Variants in PARD3B observed in about 807,000 individuals in gnomAD.
PARD3B encodes par-3 family cell polarity regulator beta.
In PARD3B, 103 loss-of-function variants were observed where a neutral mutation model predicts 130.2. The observed-to-expected ratio is 0.79, with a 90% CI of 0.67 to 0.93. The LOEUF is 0.93. PARD3B is among the 40% of genes least tolerant of loss of function. PARD3B has a pLI of 0.00. For synonymous variants in PARD3B, 583 were observed against 553.2 expected (o/e 1.05, Z -0.76); for missense variants, 1,609 against 1,499.2 (o/e 1.07, Z -1.21).
chr2:205,158,920 G>T lies in PARD3B; in HGVS notation c.1620+13G>T, dbSNP rs760951208. The T allele has an allele frequency of 1.9e-6, 3 of 1,612,472 alleles. No individual in the cohort carries two copies. The highest frequency in any genetic ancestry group is 2.5e-6 in the Non-Finnish European group (3 of 1,179,476). On this transcript the variant is annotated intron_variant, in intron 11 of 22. Coordinates refer to ENST00000406610, the MANE Select transcript of PARD3B (RefSeq NM_001302769.2). This position sits in a 1 kb window ranked among gnomAD's most constrained non-coding sequence, Gnocchi z 5.4. The stretch of plus-strand genomic sequence containing the variant: ...CGCTGCTTTTAAGGTGGGTAGGAAT[G>T]ACATTTGTACATCCTTTGAGAAGGC...
chr2:204,764,924 G>A (rs1490985331), intron 2 of PARD3B, among the ~76,000 whole-genome samples: 3 of 151,944 alleles, frequency 2.0e-5, no homozygotes, highest in African/African-American at 7.3e-5. Context: ...ATAAATCTAG[G>A]AAGGACTGAT....
rs2040626944 is a variant in PARD3B at position 205,269,256 on chromosome 2, T to C, written c.2185+23434T>C. The stretch of plus-strand genomic sequence containing the variant: ...ATGTTAAGTTCTCAATGATTAAAGG[T>C]GCCTTGAGTATTTTATTCAAAACTT... On this transcript the variant is annotated intron_variant, in intron 16 of 22. Transcript: ENST00000406610. The surrounding 1 kb of genome is among the most constrained non-coding windows in gnomAD (Gnocchi z 4.7). 6.6e-6 allele frequency among the ~76,000 whole-genome samples: 1 copy of C among 152,166 alleles called. No individual in the cohort carries two copies. Among genetic ancestry groups the C allele is most frequent in the African/African-American group, 2.4e-5 (1 of 41,468 alleles).
At chr2:205,114,481 G>A (rs200411620) in intron 6 of PARD3B, among the ~76,000 whole-genome samples, 2 of 93,746 alleles carry the variant, frequency 2.1e-5, no homozygotes, top group African/African-American at 3.3e-5. Flanking sequence ...GAAAAGGGGG[G>A]ATTCCTTAGT....
intron 18 of PARD3B, among the ~76,000 whole-genome samples, chr2:205,384,183 T>G (rs181610948): frequency 6.6e-6 from 1 of 152,222 alleles, no homozygotes; most frequent in East Asian, 1.9e-4. Flanking sequence ...AATTGAAATC[T>G]TCACATAATC....
At chr2:205,605,875 C>T (rs1022475851) in intron 22 of PARD3B, among the ~76,000 whole-genome samples, 1 of 152,206 alleles carries the variant, frequency 6.6e-6, no homozygotes, top group Non-Finnish European at 1.5e-5. Context: ...CCATGGAGAT[C>T]ACAGCCGCCC....
Position 205,059,823 on chromosome 2 carries a change from G to C in PARD3B, c.504+12133G>C, listed in dbSNP as rs150839904. Reference sequence around the variant, plus strand: ...ATTTACATTCTACTTCTGCTAGCGAGTAGCCACGTAATACTACCCAGCACA... The same window carrying C: ...ATTTACATTCTACTTCTGCTAGCGACTAGCCACGTAATACTACCCAGCACA... On this transcript the variant is annotated intron_variant, in intron 4 of 22. Coordinates refer to ENST00000406610, the MANE Select transcript of PARD3B (RefSeq NM_001302769.2). Among the ~76,000 whole-genome samples, 1,290 of 152,172 alleles carry C rather than the reference G, an allele frequency of 8.5e-3. 10 individuals are homozygous for C. Among genetic ancestry groups the C allele is most frequent in the African/African-American group, 0.029 (1,192 of 41,526 alleles).
intron 3 of PARD3B, among the ~76,000 whole-genome samples, chr2:205,016,656 T>G (rs1186756540): frequency 6.6e-6 from 1 of 152,260 alleles, no homozygotes; most frequent in African/African-American, 2.4e-5. Flanking sequence ...TCTGAAAATA[T>G]AGGTTTCCAG....
intron 18 of PARD3B, among the ~76,000 whole-genome samples, chr2:205,377,727 T>C (rs1319634077): frequency 1.3e-5 from 2 of 151,842 alleles, no homozygotes; most frequent in African/African-American, 4.8e-5. Context: ...CTAATCAGTT[T>C]TGATATCGAG....
intron 21 of PARD3B, 109 bp from the exon 22 acceptor site, chr2:205,553,215 T>G: frequency 1.0e-6 from 1 of 992,198 alleles, no homozygotes; most frequent in Non-Finnish European, 1.5e-6. Context: ...CATGGTTGAT[T>G]TTTGGCAGGC....
chr2:204,996,902 G>A (rs999995853), intron 3 of PARD3B, among the ~76,000 whole-genome samples: 3 of 151,034 alleles, frequency 2.0e-5, no homozygotes, highest in South Asian at 2.1e-4. Flanking sequence ...GACCCCTTGC[G>A]CTTCCCAGGT....
rs1249066873 is a variant in PARD3B at position 205,052,428 on chromosome 2, TATATATATATATATATATATATAA to T, written c.504+4740_504+4763del. Reference sequence around the variant, plus strand: ...TATTTTATATATATATGTATATATATATATATATATATATATATATATAAAATTAAAAAAATAAGCTGGCAGATT... The same window carrying T: ...TATTTTATATATATATGTATATATATAATTAAAAAAATAAGCTGGCAGATT... On this transcript the variant is annotated intron_variant, in intron 4 of 22. Coordinates refer to ENST00000406610, the MANE Select transcript of PARD3B (RefSeq NM_001302769.2). 2.1e-3 allele frequency among the ~76,000 whole-genome samples: 39 copies of T among 18,444 alleles called. 2 individuals carry two copies. The South Asian group carries it at 0.053, about 25-fold the overall frequency. 12.1% of individuals were successfully genotyped at this position (18,444 alleles called of 152,430 possible).
At chr2:204,810,634 A>C (rs1382273486) in intron 2 of PARD3B, among the ~76,000 whole-genome samples, 2 of 151,844 alleles carry the variant, frequency 1.3e-5, no homozygotes, top group Non-Finnish European at 2.9e-5. Context: ...ATGTTGAACC[A>C]ACCTTGCATA....
In PARD3B at chr2:205,455,651, A is replaced by G. The variant is rs192019087; in HGVS notation, c.3044+14979A>G. 9.1e-4 allele frequency among the ~76,000 whole-genome samples: 138 copies of G among 152,032 alleles called. 1 individual carries two copies. The highest frequency in any genetic ancestry group is 3.2e-3 in the African/African-American group (133 of 41,530). On this transcript the variant is annotated intron_variant, in intron 20 of 22. Coordinates refer to ENST00000406610, the MANE Select transcript of PARD3B (RefSeq NM_001302769.2). ...AATTATTATATAGTCATAGTTATAT[A>G]TAGTTATATAGTTATTTTTAACTTT...
intron 22 of PARD3B, among the ~76,000 whole-genome samples, chr2:205,593,732 G>A (rs1320653672): frequency 6.6e-6 from 1 of 152,182 alleles, no homozygotes; most frequent in Non-Finnish European, 1.5e-5. Context: ...ACGGTGGCGA[G>A]AGGTGGGGTA....
intron 21 of PARD3B, among the ~76,000 whole-genome samples, chr2:205,553,084 G>A (rs1258501340): frequency 6.6e-6 from 1 of 152,184 alleles, no homozygotes; most frequent in Non-Finnish European, 1.5e-5. Context: ...CTGGCATGGG[G>A]ACATGAGGGA....
intron 2 of PARD3B, among the ~76,000 whole-genome samples, chr2:204,772,429 C>T (rs1459413219): frequency 6.6e-6 from 1 of 151,976 alleles, no homozygotes; most frequent in East Asian, 1.9e-4. Flanking sequence ...CAATTGATCC[C>T]AATACATTAG....
chr2:205,140,470 A>T (rs1226421880), intron 10 of PARD3B, among the ~76,000 whole-genome samples: 1 of 150,238 alleles, frequency 6.7e-6, no homozygotes, highest in Non-Finnish European at 1.5e-5. Context: ...AAAAAAAAAA[A>T]AAAGGAAGAC....
Position 205,269,445 on chromosome 2 carries a change from G to A in PARD3B, c.2185+23623G>A, listed in dbSNP as rs1306323792. On this transcript the variant is annotated intron_variant, in intron 16 of 22. Coordinates refer to ENST00000406610, the MANE Select transcript of PARD3B (RefSeq NM_001302769.2). The surrounding 1 kb of genome is among the most constrained non-coding windows in gnomAD (Gnocchi z 4.7). Reference sequence around the variant, plus strand: ...TTTTCAGGTAATGTCTTAGGAGTAAGGAGAGAGAAAGCAAAGTTAGTACCT... The same window carrying A: ...TTTTCAGGTAATGTCTTAGGAGTAAAGAGAGAGAAAGCAAAGTTAGTACCT... Among the ~76,000 whole-genome samples, 1 of 152,116 alleles carries A rather than the reference G, an allele frequency of 6.6e-6. No homozygotes were observed. The highest frequency in any genetic ancestry group is 1.5e-5 in the Non-Finnish European group (1 of 68,010).
In PARD3B at chr2:205,265,037, C is replaced by G. The variant is rs1264153560; in HGVS notation, c.2185+19215C>G. 3.3e-5 allele frequency among the ~76,000 whole-genome samples: 5 copies of G among 151,204 alleles called. 1 individual carries two copies. The highest frequency in any genetic ancestry group is 5.9e-5 in the Non-Finnish European group (4 of 67,666). ...CAAAAATTACTTTAACTTTTGCTTC[C>G]CTCGGAACAACCAGGGAAAAATATC... On this transcript the variant is annotated intron_variant, in intron 16 of 22. Coordinates refer to ENST00000406610, the MANE Select transcript of PARD3B (RefSeq NM_001302769.2). This position sits in a 1 kb window ranked among gnomAD's most constrained non-coding sequence, Gnocchi z 4.3.
Sources: allele counts gnomAD v4.1 joint callset (sites outside exome capture counted in the v4.1 genomes callset), GRCh38; gene constraint gnomAD v4.1.1; non-coding constraint Gnocchi (gnomAD v3.1); transcripts MANE v1.5; gene names NCBI Gene and HGNC (gene_info 2026-07-23, HGNC 2026-07-21).